The following COL17A1 variants were observed in gnomAD, a reference collection of about 807,000 sequenced individuals.
COL17A1 encodes collagen type XVII alpha 1 chain, also known as collagen alpha-1(XVII) chain.
Under a neutral mutation model 218.4 loss-of-function variants are expected in COL17A1, and 181 were observed. The observed-to-expected ratio is 0.83, with a 90% CI of 0.73 to 0.94. COL17A1 has a LOEUF of 0.94. Among genes scored for constraint, COL17A1 ranks in the 40% least tolerant of loss-of-function variants. The pLI is 0.00. For missense variants in COL17A1, 1,924 were observed against 1,945.9 expected, an observed-to-expected ratio of 0.99 and a Z score of 0.21; for synonymous variants, 721 against 731.0, an observed-to-expected ratio of 0.99 and a Z score of 0.22.
At chr10:104,079,576 G>A (rs189388699) in intron 2 of COL17A1, among the ~76,000 whole-genome samples, 1 of 152,298 alleles carries the variant, frequency 6.6e-6, no homozygotes, top group African/African-American at 2.4e-5. Context: ...TAATTAGTTT[G>A]GTTGTCCTAG....
At position 104,048,105 on chromosome 10, in the gene COL17A1, CT is replaced by C; in HGVS notation, c.2228-2del. ...TGGTGTCCGTCTGGGCCAGCAGGAC[CT>C]GGTAAAGTAGAAGCAAGGTCTCTCA... On this transcript the variant is annotated splice_acceptor_variant, in intron 29 of 55. Coordinates refer to ENST00000648076, the MANE Select transcript of COL17A1 (RefSeq NM_000494.4). LOFTEE classifies it high-confidence loss of function. 1.9e-6 allele frequency: 3 copies of C among 1,613,962 alleles called. No homozygotes were observed. The highest frequency in any genetic ancestry group is 2.5e-6 in the Non-Finnish European group (3 of 1,179,950).
intron 29 of COL17A1, 145 bp downstream of exon 29, chr10:104,049,264 A>G (rs778429458): frequency 7.9e-6 from 6 of 761,764 alleles, no homozygotes; most frequent in Non-Finnish European, 1.4e-5. Context: ...ATGCCCAGAC[A>G]CAGAAATGAC....
intron 15 of COL17A1, 46 bp from the exon 16 acceptor site, chr10:104,058,236 T>A: frequency 6.2e-7 from 1 of 1,613,440 alleles, no homozygotes; most frequent in South Asian, 1.1e-5. Context: ...CTGGAGGAGC[T>A]AGCTGCTCTG....
At position 104,070,525 on chromosome 10, in the gene COL17A1, A is replaced by G; in HGVS notation, c.508T>C (p.Ser170Pro). 1 of 1,614,166 alleles carries G rather than the reference A, an allele frequency of 6.2e-7. No homozygotes were observed. Among genetic ancestry groups the G allele is most frequent in the Non-Finnish European group, 8.5e-7 (1 of 1,180,034 alleles). Residue 170 changes from serine to proline, a missense_variant, in exon 9 of 56, where the codon TCG (serine) becomes CCG (proline). Coordinates refer to ENST00000648076, the MANE Select transcript of COL17A1 (RefSeq NM_000494.4). ...DVKRLLKGSR[S>P]ASVSPTRNSS... ...TTCCGGGTGGGGCTCACACTTGCCG[A>G]TCGACTCCCCTTGAGCAAACGCTTA...
At chr10:104,047,883 T>C (rs2134599674) in intron 30 of COL17A1, 73 bp from the exon 31 acceptor site, 3 of 1,455,696 alleles carry the variant, frequency 2.1e-6, no homozygotes, top group Admixed American at 3.3e-5. Flanking sequence ...TCTGAACTGA[T>C]AGTTTCTGAG....
At chr10:104,057,703 T>C (rs931550079) in intron 16 of COL17A1, among the ~76,000 whole-genome samples, 2 of 151,946 alleles carry the variant, frequency 1.3e-5, no homozygotes, top group African/African-American at 4.8e-5. Flanking sequence ...TTTTTTGTAA[T>C]GAAAAGTGTT....
intron 14 of COL17A1, among the ~76,000 whole-genome samples, 159 bp downstream of exon 14, chr10:104,059,960 C>T (rs1015915756): frequency 2.0e-5 from 3 of 152,170 alleles, no homozygotes; most frequent in African/African-American, 7.2e-5. Context: ...GCATTCAAGG[C>T]AGACCCTGGA....
intron 27 of COL17A1, 78 bp from the exon 28 acceptor site, chr10:104,050,202 C>A: frequency 6.3e-7 from 1 of 1,595,870 alleles, no homozygotes; most frequent in South Asian, 1.1e-5. Flanking sequence ...ACAGGGTCCC[C>A]GGCTGCAGGG....
chr10:104,079,375 G>C (rs2086742307), intron 2 of COL17A1, among the ~76,000 whole-genome samples: 1 of 152,150 alleles, frequency 6.6e-6, no homozygotes, highest in Admixed American at 6.5e-5. Context: ...ATGCATGTGT[G>C]TATGTGTGCA....
chr10:104,077,278 G>A lies in COL17A1; in HGVS notation c.202+144C>T. The A allele has an allele frequency of 4.1e-6, 3 of 729,060 alleles. 1 individual carries two copies. In the South Asian group the frequency reaches 4.5e-5, roughly 11 times the overall value. The allele number at this position is 729,060 out of a possible 1,614,324, so 45.2% of individuals were successfully genotyped here. On this transcript the variant is annotated intron_variant, in intron 4 of 55. Coordinates refer to ENST00000648076, the MANE Select transcript of COL17A1 (RefSeq NM_000494.4). ...ATTTAGATAACTCTCAGGGGGATTT[G>A]GAATGGATGACAGGTGATTGTAATT...
intron 33 of COL17A1, among the ~76,000 whole-genome samples, chr10:104,044,676 G>T (rs778199932): frequency 6.6e-6 from 1 of 152,154 alleles, no homozygotes; most frequent in Admixed American, 6.5e-5. Context: ...AGTTTGTTTT[G>T]TTGGGATGCA....
rs944107516 is a variant in COL17A1 at position 104,070,367 on chromosome 10, G to C, written c.607+59C>G. ...TCTGGGTCTCTGAGTCCACTCTTTG[G>C]GTTTGGATGGGTAAGTTTGTTTCTC... On this transcript the variant is annotated intron_variant, in intron 9 of 55. Transcript: ENST00000648076. The C allele has an allele frequency of 1.9e-5, 30 of 1,609,192 alleles. 1 individual carries two copies. Among genetic ancestry groups the C allele is most frequent in the Middle Eastern group, 2.2e-4 (1 of 4,506 alleles).
At chr10:104,049,976 T>C in intron 28 of COL17A1, 113 bp downstream of exon 28, 26 of 1,533,314 alleles carry the variant, frequency 1.7e-5, no homozygotes, top group Non-Finnish European at 2.3e-5. Flanking sequence ...ACAAGTTCCC[T>C]GAAGGGTTTT....
intron 7 of COL17A1, 47 bp from the exon 8 acceptor site, chr10:104,072,126 A>T: frequency 5.6e-6 from 9 of 1,613,158 alleles, no homozygotes; most frequent in Non-Finnish European, 7.6e-6. Flanking sequence ...AGGAGCTTAG[A>T]TCACAATCCC....
chr10:104,038,223 G>GACACACAC (rs1170048144), intron 45 of COL17A1, among the ~76,000 whole-genome samples, 183 bp downstream of exon 45: 4 of 126,560 alleles, frequency 3.2e-5, no homozygotes, highest in African/African-American at 1.3e-4. Context: ...TGGACACATA[G>GACACACAC]ACACACATAC....
At chr10:104,032,403 A>ATCTT (rs1844697756) in intron 55 of COL17A1, 113 bp from the exon 56 acceptor site, 7 of 946,212 alleles carry the variant, frequency 7.4e-6, no homozygotes, top group Non-Finnish European at 1.2e-5. Flanking sequence ...CAAAGGTGAA[A>ATCTT]TCTTTTGTAA....
intron 4 of COL17A1, among the ~76,000 whole-genome samples, chr10:104,076,744 G>C (rs1340601887): frequency 6.6e-6 from 1 of 152,190 alleles, no homozygotes; most frequent in African/African-American, 2.4e-5. Flanking sequence ...GTAAGGGCAG[G>C]TGTTTCTTTT....
In COL17A1 at chr10:104,046,662, T is replaced by C. The variant is rs1408777861; in HGVS notation, c.2362+85A>G. 1.5e-5 allele frequency: 20 copies of C among 1,354,602 alleles called. No individual in the cohort carries two copies. In the Admixed American group the frequency reaches 3.4e-4, roughly 23 times the overall value. The allele number at this position is 1,354,602 out of a possible 1,614,324, so 83.9% of individuals were successfully genotyped here. On this transcript the variant is annotated intron_variant, in intron 32 of 55. Coordinates refer to ENST00000648076, the MANE Select transcript of COL17A1 (RefSeq NM_000494.4). ...GGAGTTGGTGGAGGAGAGGAAACTC[T>C]GGTGACTGCAGGAAAAGCCCTGGCC...
intron 48 of COL17A1, among the ~76,000 whole-genome samples, chr10:104,035,985 T>C (rs1271464814): frequency 7.2e-6 from 1 of 138,200 alleles, no homozygotes; most frequent in Non-Finnish European, 1.6e-5. Context: ...TTTATGGGAA[T>C]GCGTGTGTGT....
Sources: gnomAD v4.1 joint callset for allele counts (sites outside exome capture counted in the v4.1 genomes callset) on GRCh38, gnomAD v4.1.1 for gene constraint, MANE v1.5 for transcripts, NCBI Gene and HGNC (gene_info 2026-07-23, HGNC 2026-07-21) for gene names.